MBD5: variants seen among roughly 807,000 people sequenced by gnomAD.
MBD5 encodes methyl-CpG binding domain protein 5.
MBD5 carries 13 observed loss-of-function variants against 117.3 expected under a neutral mutation model. The ratio of observed to expected loss-of-function variants is 0.11; its 90% CI spans 0.07 to 0.18. The LOEUF (loss-of-function observed/expected upper bound fraction) is 0.18, where lower values mean the gene tolerates loss of function less well. MBD5 is among the 10% of genes least tolerant of loss of function. The pLI is 1.00. For synonymous variants in MBD5, 727 were observed against 766.4 expected (o/e 0.95, Z 0.85); for missense variants, 1,879 against 2,093.8 (o/e 0.90, Z 2.00).
At chr2:148,200,754 G>A (rs547447779) in intron 2 of MBD5, among the ~76,000 whole-genome samples, 15 of 150,280 alleles carry the variant, frequency 1.0e-4, no homozygotes, top group African/African-American at 3.4e-4. Context: ...GACATTATAC[G>A]TATACTGATG....
At chr2:148,195,677 A>C (rs1026270739) in intron 2 of MBD5, among the ~76,000 whole-genome samples, 9 of 152,194 alleles carry the variant, frequency 5.9e-5, no homozygotes, top group Non-Finnish European at 2.9e-5. Context: ...ATTTTTAAAG[A>C]TTGAAGTCAT....
chr2:148,118,640 C>T (rs150679941), intron 1 of MBD5, among the ~76,000 whole-genome samples: 380 of 151,950 alleles, frequency 2.5e-3, no homozygotes, highest in Non-Finnish European at 3.6e-3. Flanking sequence ...TTGTATTACC[C>T]GTCACAAAAA....
At chr2:148,102,727 C>G (rs898889751) in intron 1 of MBD5, among the ~76,000 whole-genome samples, 953 of 62,754 alleles carry the variant, frequency 0.015, 3 homozygotes, top group African/African-American at 0.023. Context: ...CACACACACA[C>G]ACAGAGAGAG....
intron 1 of MBD5, among the ~76,000 whole-genome samples, chr2:148,086,189 TTGTG>T (rs35844154): frequency 6.7e-6 from 1 of 149,812 alleles, no homozygotes; most frequent in Non-Finnish European, 1.5e-5. Flanking sequence ...TAAAATGTGT[TTGTG>T]TGTGTGTGTG....
At chr2:148,505,716 G>C (rs577121290) in intron 12 of MBD5, among the ~76,000 whole-genome samples, 1 of 152,122 alleles carries the variant, frequency 6.6e-6, no homozygotes, top group Non-Finnish European at 1.5e-5. Flanking sequence ...GAAAAATAAC[G>C]AAGAAAGAAT....
chr2:148,209,156 G>T (rs1699358321), intron 2 of MBD5, among the ~76,000 whole-genome samples: 1 of 152,100 alleles, frequency 6.6e-6, no homozygotes, highest in Non-Finnish European at 1.5e-5. Context: ...AACTGAATTT[G>T]CTACATATGA....
At chr2:148,237,268 T>A (rs1044840729) in intron 3 of MBD5, among the ~76,000 whole-genome samples, 3 of 152,198 alleles carry the variant, frequency 2.0e-5, no homozygotes, top group African/African-American at 7.2e-5. Context: ...ATTCACAATT[T>A]GGCTAACTGT....
chr2:148,325,258 T>G (rs994109226), intron 3 of MBD5, among the ~76,000 whole-genome samples: 2 of 152,226 alleles, frequency 1.3e-5, no homozygotes. Flanking sequence ...TGAGGATTTT[T>G]GCATCAATGT....
At chr2:148,197,818 G>GTTTTTTTTTTTTTTTTTTTTTTTTT (rs11389519) in intron 2 of MBD5, among the ~76,000 whole-genome samples, 3 of 103,558 alleles carry the variant, frequency 2.9e-5, no homozygotes, top group African/African-American at 3.8e-5. Context: ...TTTTTTTTTT[G>GTTTTTTTTTTTTTTTTTTTTTTTTT]TTTTTTTTTT....
In MBD5 at chr2:148,432,327, T is replaced by C. The variant is rs181187041; in HGVS notation, c.-556-25876T>C. On this transcript the variant is annotated intron_variant, in intron 4 of 13. Coordinates refer to ENST00000642680, the MANE Select transcript of MBD5 (RefSeq NM_001378120.1). ...CCCATTCTGTAGATTGTCTCTTTGC[T>C]CTGTAGGTAGTTACTTTTGCTGTGC... 1.8e-4 allele frequency among the ~76,000 whole-genome samples: 27 copies of C among 152,294 alleles called. No homozygotes were observed. In the East Asian group the frequency reaches 4.6e-3, roughly 26 times the overall value.
At chr2:148,506,497 G>C (rs1046530938) in intron 12 of MBD5, among the ~76,000 whole-genome samples, 5 of 152,114 alleles carry the variant, frequency 3.3e-5, no homozygotes, top group African/African-American at 7.2e-5. Context: ...CAGAGCTCAG[G>C]GTTTTTGACT....
chr2:148,107,397 G>C (rs1342580158), intron 1 of MBD5, among the ~76,000 whole-genome samples: 1 of 151,736 alleles, frequency 6.6e-6, no homozygotes, highest in African/African-American at 2.4e-5. Flanking sequence ...TGGGTTTCTT[G>C]ACTGTTTGAA....
At chr2:148,502,535 T>G in intron 12 of MBD5, 26 bp downstream of exon 12, 1 of 1,602,256 alleles carries the variant, frequency 6.2e-7, no homozygotes, top group South Asian at 1.1e-5. Context: ...AAATTTTACT[T>G]TGTTTTTCCA....
intron 4 of MBD5, chr2:148,347,303 G>A (rs1210843022): frequency 6.6e-6 from 1 of 152,008 alleles, no homozygotes; most frequent in East Asian, 1.9e-4. Context: ...GAGCCAAGGA[G>A]TTTTGAGGCT....
intron 1 of MBD5, among the ~76,000 whole-genome samples, chr2:148,152,429 G>T (rs1697706965): frequency 6.6e-6 from 1 of 152,146 alleles, no homozygotes; most frequent in African/African-American, 2.4e-5. Flanking sequence ...ATTTGGGGTG[G>T]AGAGTTCTGT....
Position 148,294,510 on chromosome 2 carries a change from T to TTTTTGTTTTTTTTTTG in MBD5, c.-679-47700_-679-47699insGTTTTTTTTTTGTTTT, listed in dbSNP as rs1559009563. Among the ~76,000 whole-genome samples the TTTTTGTTTTTTTTTTG allele has an allele frequency of 1.4e-4, 18 of 133,166 alleles. No individual in the cohort carries two copies. In the East Asian group the frequency reaches 1.4e-3, roughly 10 times the overall value. 87.4% of individuals were successfully genotyped at this position (133,166 alleles called of 152,430 possible). On this transcript the variant is annotated intron_variant, in intron 3 of 13. Transcript: ENST00000642680. The stretch of plus-strand genomic sequence containing the variant: ...AAGTGCTGGGATTACAGTTTTTTTT[T>TTTTTGTTTTTTTTTTG]TTTTTTTTTTTGAGATAGAGCTGGC...
intron 3 of MBD5, among the ~76,000 whole-genome samples, chr2:148,253,742 ACT>A (rs1161192957): frequency 6.6e-6 from 1 of 152,046 alleles, no homozygotes; most frequent in Non-Finnish European, 1.5e-5. Flanking sequence ...ACATGGCTTT[ACT>A]CTCTCTCTGG....
intron 4 of MBD5, among the ~76,000 whole-genome samples, chr2:148,357,459 CT>C (rs1412471261): frequency 1.7e-3 from 116 of 68,168 alleles, no homozygotes; most frequent in African/African-American, 7.7e-3. Context: ...TTAGGATTTA[CT>C]CTTTTTTTTT....
At position 148,496,359 on chromosome 2, in the gene MBD5, T is replaced by G. The variant is rs144642339; in HGVS notation, c.4962+5765T>G. Among the ~76,000 whole-genome samples, 56 of 152,284 alleles carry G rather than the reference T, an allele frequency of 3.7e-4. 1 individual carries two copies. The East Asian group carries it at 0.011, about 29-fold the overall frequency. On this transcript the variant is annotated intron_variant, in intron 11 of 13. Transcript: ENST00000642680. ...GAAGAACTAGCAAAGACCAAAAATGTGAATATAAAGAAAAAAACTAAGCTG... is the reference window on the plus strand; with the variant it reads ...GAAGAACTAGCAAAGACCAAAAATGGGAATATAAAGAAAAAAACTAAGCTG...
Sources: allele counts gnomAD v4.1 joint callset (sites outside exome capture counted in the v4.1 genomes callset), GRCh38; gene constraint gnomAD v4.1.1; transcripts MANE v1.5; gene names NCBI Gene and HGNC (gene_info 2026-07-23, HGNC 2026-07-21).